The following NOL4 variants were observed in gnomAD, a reference collection of about 807,000 sequenced individuals.
NOL4 encodes cancer/testis antigen 125.
A neutral mutation model predicts 75.9 loss-of-function variants in NOL4; 17 were observed. The observed-to-expected ratio is 0.22, with a 90% CI of 0.15 to 0.34. The LOEUF is 0.34. NOL4 is among the 10% of genes least tolerant of loss of function. The pLI is 1.00. For missense variants in NOL4, 614 were observed against 793.5 expected, an observed-to-expected ratio of 0.77 and a Z score of 2.72; for synonymous variants, 292 against 289.9, an observed-to-expected ratio of 1.01 and a Z score of -0.07.
At chr18:33,870,991 C>T (rs1044670831) in intron 10 of NOL4, among the ~76,000 whole-genome samples, 3 of 152,028 alleles carry the variant, frequency 2.0e-5, no homozygotes, top group African/African-American at 7.2e-5. Context: ...GACCAAGCAA[C>T]AACTCAGGAG....
At chr18:34,011,058 T>C (rs2074343367) in intron 6 of NOL4, among the ~76,000 whole-genome samples, 1 of 151,712 alleles carries the variant, frequency 6.6e-6, no homozygotes, top group Non-Finnish European at 1.5e-5. Context: ...AATAATTTAT[T>C]ACATATTTTA....
At chr18:34,012,499 ATG>A (rs778650599) in intron 6 of NOL4, among the ~76,000 whole-genome samples, 2 of 151,796 alleles carry the variant, frequency 1.3e-5, no homozygotes, top group South Asian at 2.1e-4. Context: ...TACTATTTAT[ATG>A]TGTGTGTGTT....
intron 1 of NOL4, among the ~76,000 whole-genome samples, chr18:34,215,972 GT>G (rs1446689028): frequency 6.6e-6 from 1 of 152,042 alleles, no homozygotes; most frequent in Non-Finnish European, 1.5e-5. Flanking sequence ...TTATCTGAGA[GT>G]TTTTTCAAAT....
chr18:34,111,191 T>C (rs2079570377), intron 2 of NOL4, among the ~76,000 whole-genome samples: 1 of 152,294 alleles, frequency 6.6e-6, no homozygotes, highest in African/African-American at 2.4e-5. Flanking sequence ...TATGTGTGTG[T>C]GCACACATAG....
At chr18:33,858,653 G>C (rs973839240) in intron 10 of NOL4, among the ~76,000 whole-genome samples, 1 of 151,936 alleles carries the variant, frequency 6.6e-6, no homozygotes, top group Non-Finnish European at 1.5e-5. Flanking sequence ...TACTCTTTTT[G>C]ATGATAGAAT....
At chr18:33,957,598 T>A (rs756421028) in intron 7 of NOL4, 81 bp from the exon 8 acceptor site, 1 of 1,109,424 alleles carries the variant, frequency 9.0e-7, no homozygotes, top group Non-Finnish European at 1.3e-6. Context: ...TGATTACCGA[T>A]AGGAAAATAC....
rs544890081 is a variant in NOL4, at chr18:34,073,821, AC to A, written c.772+19643del. On this transcript the variant is annotated intron_variant, in intron 5 of 10. Coordinates refer to ENST00000261592, the MANE Select transcript of NOL4 (RefSeq NM_003787.5). The stretch of plus-strand genomic sequence containing the variant: ...TTTGTTTCTTCCAGAAAAGAAAAAA[AC>A]AATAGAAAAACTTTTATAGGAAAGA... 2.6e-4 allele frequency among the ~76,000 whole-genome samples: 39 copies of A among 152,214 alleles called. 1 individual carries two copies. In the East Asian group the frequency reaches 7.5e-3, roughly 29 times the overall value.
chr18:33,900,255 C>A (rs1350226760), intron 9 of NOL4, among the ~76,000 whole-genome samples: 1 of 152,080 alleles, frequency 6.6e-6, no homozygotes, highest in Non-Finnish European at 1.5e-5. Flanking sequence ...AAACAACCAG[C>A]TCTTGGGTGA....
intron 1 of NOL4, among the ~76,000 whole-genome samples, chr18:34,166,401 A>C (rs189030802): frequency 6.6e-4 from 101 of 152,270 alleles, no homozygotes; most frequent in African/African-American, 2.2e-3. Context: ...TGAAGTAAGT[A>C]AACAGACTTT....
At chr18:33,960,163 A>G (rs2069992173) in intron 6 of NOL4, among the ~76,000 whole-genome samples, 1 of 152,102 alleles carries the variant, frequency 6.6e-6, no homozygotes, top group African/African-American at 2.4e-5. Flanking sequence ...ATCACTTGCT[A>G]TAAAATTTCC....
chr18:34,187,822 CTA>C (rs1481671643), intron 1 of NOL4, among the ~76,000 whole-genome samples: 18 of 152,138 alleles, frequency 1.2e-4, no homozygotes, highest in Admixed American at 4.6e-4. Context: ...TTATGTAGAC[CTA>C]TGTTTTTCAA....
In NOL4 at chr18:34,223,461, T is replaced by A; in HGVS notation, c.-208A>T. The A allele has an allele frequency of 1.6e-6, 1 of 638,600 alleles. No individual in the cohort carries two copies. Among genetic ancestry groups the A allele is most frequent in the Non-Finnish European group, 2.7e-6 (1 of 375,198 alleles). The allele number at this position is 638,600 out of a possible 1,614,324, so 39.6% of individuals were successfully genotyped here. A position where few individuals can be genotyped will look rare whatever the true frequency, so the allele number is the denominator to read the frequency against. ...AATCAATGCCCCGTGCTACCAAGTC[T>A]GGTCCATTCGTAATTGCAACGGCTG... is the stretch of plus-strand genomic sequence containing the variant. On this transcript the variant is annotated 5_prime_UTR_variant, in exon 1 of 11. Coordinates refer to ENST00000261592, the MANE Select transcript of NOL4 (RefSeq NM_003787.5).
intron 6 of NOL4, among the ~76,000 whole-genome samples, chr18:33,964,793 G>A (rs1487695511): frequency 6.6e-6 from 1 of 152,148 alleles, no homozygotes; most frequent in East Asian, 1.9e-4. Flanking sequence ...TAAGAAAAAT[G>A]GCAGAGAGAG....
At chr18:34,036,900 C>T (rs1441556020) in intron 5 of NOL4, among the ~76,000 whole-genome samples, 1 of 152,106 alleles carries the variant, frequency 6.6e-6, no homozygotes, top group Non-Finnish European at 1.5e-5. Flanking sequence ...CCACTGCACT[C>T]CTGCCTGGGC....
chr18:34,071,334 G>A (rs573977787), intron 5 of NOL4, among the ~76,000 whole-genome samples: 2 of 152,018 alleles, frequency 1.3e-5, no homozygotes, highest in African/African-American at 4.8e-5. Flanking sequence ...GATACATATT[G>A]AAATTCCCAG....
intron 6 of NOL4, among the ~76,000 whole-genome samples, chr18:33,971,126 C>A (rs1248761524): frequency 6.6e-6 from 1 of 152,156 alleles, no homozygotes. Context: ...TCATTCTAAA[C>A]TATGGCTGAA....
intron 10 of NOL4, among the ~76,000 whole-genome samples, chr18:33,870,197 A>C (rs1277754854): frequency 2.0e-5 from 3 of 152,048 alleles, no homozygotes; most frequent in Non-Finnish European, 1.5e-5. Flanking sequence ...CTACTCACTT[A>C]GCAGTTTTCA....
At chr18:33,942,851 G>A (rs1433460316) in intron 9 of NOL4, among the ~76,000 whole-genome samples, 2 of 151,816 alleles carry the variant, frequency 1.3e-5, no homozygotes, top group Non-Finnish European at 2.9e-5. Flanking sequence ...TTTTGCTACT[G>A]TTCATTTTCG....
chr18:34,005,526 C>G (rs1600223434), intron 6 of NOL4, among the ~76,000 whole-genome samples: 1 of 151,974 alleles, frequency 6.6e-6, no homozygotes, highest in Non-Finnish European at 1.5e-5. Context: ...AGCTATCAGC[C>G]AAAATTAATG....
Sources: gnomAD v4.1 joint callset for allele counts (sites outside exome capture counted in the v4.1 genomes callset) on GRCh38, gnomAD v4.1.1 for gene constraint, MANE v1.5 for transcripts, NCBI Gene and HGNC (gene_info 2026-07-23, HGNC 2026-07-21) for gene names.